Variants in EPAS1 observed in about 807,000 individuals in gnomAD.
EPAS1 encodes the protein endothelial PAS domain protein 1.
EPAS1 carries 23 observed loss-of-function variants against 87.9 expected under a neutral mutation model. That is an observed-to-expected ratio of 0.26 (90% CI 0.19 to 0.37). The LOEUF (loss-of-function observed/expected upper bound fraction) is 0.37. Among genes scored for constraint, EPAS1 ranks in the 10% least tolerant of loss-of-function variants. The probability of loss-of-function intolerance (pLI) is 1.00; values close to 1 mark genes in which losing one functional copy is unlikely to be tolerated. For missense variants in EPAS1, 1,138 were observed against 1,120.7 expected (o/e 1.02, Z -0.22); for synonymous variants, 508 against 444.3 (o/e 1.14, Z -1.80).
chr2:46,304,532 T>C (rs1333388332), intron 1 of EPAS1, among the ~76,000 whole-genome samples: 1 of 152,178 alleles, frequency 6.6e-6, no homozygotes, highest in Non-Finnish European at 1.5e-5. Flanking sequence ...TTTTTGTGAT[T>C]TATCACTTGC....
At position 46,360,723 on chromosome 2, in the gene EPAS1, C is replaced by G; in HGVS notation, c.540C>G (p.Gly180=). The G allele has an allele frequency of 6.2e-7, 1 of 1,614,032 alleles. No homozygotes were observed. Among genetic ancestry groups the G allele is most frequent in the Non-Finnish European group, 8.5e-7 (1 of 1,180,020 alleles). The change falls in exon 5 of 16, where the codon GGC becomes GGG. Residue 180 remains glycine (G), a synonymous_variant. Transcript: ENST00000263734. The surrounding 1 kb of genome is among the most constrained non-coding windows in gnomAD (Gnocchi z 4.5). The part of the protein sequence containing the change: ...MRMKCTVTNR[G]RTVNLKSATW... Reference sequence around the variant, plus strand: ...TGAAGTGCACGGTCACCAACAGAGGCCGTACTGTCAACCTCAAGTCAGCCA... The same window carrying G: ...TGAAGTGCACGGTCACCAACAGAGGGCGTACTGTCAACCTCAAGTCAGCCA...
Position 46,384,779 on chromosome 2 carries a change from A to C in EPAS1, c.*119A>C, listed in dbSNP as rs1684976588. The C allele has an allele frequency of 4.4e-6, 6 of 1,369,948 alleles. No homozygotes were observed. In the Middle Eastern group the frequency reaches 7.2e-4, roughly 165 times the overall value. 84.9% of individuals were successfully genotyped at this position (1,369,948 alleles called of 1,614,324 possible). Reference sequence around the variant, plus strand: ...AGCACACTATTTACAAGATGGACTTACCTGGCAGACTTGCCCAGGTCACCA... The same window carrying C: ...AGCACACTATTTACAAGATGGACTTCCCTGGCAGACTTGCCCAGGTCACCA... On this transcript the variant is annotated 3_prime_UTR_variant, in exon 16 of 16. Coordinates refer to ENST00000263734, the MANE Select transcript of EPAS1 (RefSeq NM_001430.5).
At chr2:46,378,629 C>T (rs1261029796) in intron 10 of EPAS1, 28 bp from the exon 11 acceptor site, 1 of 1,595,620 alleles carries the variant, frequency 6.3e-7, no homozygotes, top group Admixed American at 1.7e-5. Context: ...ATATCTTTGA[C>T]TCTGTCCCCC....
At chr2:46,369,971 C>T in intron 7 of EPAS1, 38 bp downstream of exon 7, 1 of 1,505,712 alleles carries the variant, frequency 6.6e-7, no homozygotes, top group Non-Finnish European at 9.2e-7. Context: ...TTCCTTGTGT[C>T]TGTGGTATGT....
chr2:46,342,781 G>A (rs1260262394), intron 1 of EPAS1, among the ~76,000 whole-genome samples: 8 of 152,188 alleles, frequency 5.3e-5, no homozygotes, highest in Admixed American at 4.6e-4. Context: ...TTAAGATAAC[G>A]AAGCTCTGGG....
At chr2:46,357,638 A>G (rs570677991) in intron 4 of EPAS1, among the ~76,000 whole-genome samples, 12 of 152,220 alleles carry the variant, frequency 7.9e-5, no homozygotes, top group Non-Finnish European at 1.2e-4. Context: ...CGAAGCCATG[A>G]GTGTCAAAAG....
At chr2:46,340,425 C>T (rs552913399) in intron 1 of EPAS1, among the ~76,000 whole-genome samples, 1 of 152,164 alleles carries the variant, frequency 6.6e-6, no homozygotes, top group Non-Finnish European at 1.5e-5. Context: ...GTATGAGATG[C>T]TTTCCAGGAT....
chr2:46,361,643 TAGG>T (rs747233582), intron 6 of EPAS1, among the ~76,000 whole-genome samples: 9 of 152,170 alleles, frequency 5.9e-5, no homozygotes, highest in Non-Finnish European at 8.8e-5. Context: ...CAGTGTCTCT[TAGG>T]AGACACAGTA....
In EPAS1 at chr2:46,347,697, C is replaced by T. The variant is rs1284640706; in HGVS notation, c.217+634C>T. ...CCCCTCCCTCGGAAAATAACTGGTT[C>T]TCCCCTCCCTAGCACCTCTGCAACT... is the stretch of plus-strand genomic sequence containing the variant. On this transcript the variant is annotated intron_variant, in intron 2 of 15. Transcript: ENST00000263734. The surrounding 1 kb of genome is among the most constrained non-coding windows in gnomAD (Gnocchi z 4.2). 6.6e-6 allele frequency among the ~76,000 whole-genome samples: 1 copy of T among 152,200 alleles called. No individual in the cohort carries two copies. The highest frequency in any genetic ancestry group is 1.5e-5 in the Non-Finnish European group (1 of 68,028).
rs17035079 is a variant in EPAS1, at chr2:46,369,812, T to A, written c.780-15T>A. On this transcript the variant is annotated splice_polypyrimidine_tract_variant and intron_variant, in intron 6 of 15. Transcript: ENST00000263734. ...TGGTCTTTCTTCCTTACATGCTGCC[T>A]TTTTAAAAACTCAGAATCACAGAAC... The A allele has an allele frequency of 0.027, 42,738 of 1,603,674 alleles. 1,840 individuals are homozygous for A. The highest frequency in any genetic ancestry group is 0.18 in the African/African-American group (13,779 of 74,796).
At chr2:46,374,337 A>G (rs1056605007) in intron 7 of EPAS1, among the ~76,000 whole-genome samples, 4 of 152,134 alleles carry the variant, frequency 2.6e-5, no homozygotes, top group Admixed American at 6.5e-5. Flanking sequence ...ACCAACGTGT[A>G]ACAGACTGTC....
At chr2:46,382,120 G>A (rs530126148) in intron 14 of EPAS1, 31 bp downstream of exon 14, 2 of 1,600,984 alleles carry the variant, frequency 1.2e-6, no homozygotes, top group Non-Finnish European at 1.7e-6. Context: ...TGGGCCTCCT[G>A]GGGGTTCTGG....
chr2:46,330,461 C>T (rs11900910), intron 1 of EPAS1, among the ~76,000 whole-genome samples: 70,037 of 152,034 alleles, frequency 0.46, 16,395 homozygotes, highest in East Asian at 0.66. Flanking sequence ...AATAAGCCAT[C>T]CTGCAAAGAG....
chr2:46,368,150 A>G (rs1272106664), intron 6 of EPAS1, among the ~76,000 whole-genome samples: 1 of 152,196 alleles, frequency 6.6e-6, no homozygotes, highest in Admixed American at 6.5e-5. Flanking sequence ...ACAGCCTAGG[A>G]TGTGAGGAGA....
chr2:46,365,217 T>C (rs1028653540), intron 6 of EPAS1, among the ~76,000 whole-genome samples: 3 of 152,158 alleles, frequency 2.0e-5, no homozygotes, highest in Non-Finnish European at 4.4e-5. Flanking sequence ...AACCAAATTA[T>C]GTGGATAGGA....
chr2:46,299,632 G>C (rs1682957227), intron 1 of EPAS1, among the ~76,000 whole-genome samples: 1 of 152,230 alleles, frequency 6.6e-6, no homozygotes. Context: ...GATGCCTATC[G>C]GGAATGTGGC....
At chr2:46,370,895 G>T (rs944942063) in intron 7 of EPAS1, among the ~76,000 whole-genome samples, 2 of 152,178 alleles carry the variant, frequency 1.3e-5, no homozygotes, top group African/African-American at 2.4e-5. Context: ...CCCACTGGGG[G>T]TGATATAAAT....
chr2:46,350,739 G>T (rs1384525911), intron 2 of EPAS1, among the ~76,000 whole-genome samples: 2 of 152,290 alleles, frequency 1.3e-5, no homozygotes, highest in African/African-American at 4.8e-5. Flanking sequence ...CTGAATTTTG[G>T]GCTTGCCCAA....
rs774931037 is a variant in EPAS1 at position 46,360,916 on chromosome 2, A to G, written c.605A>G (p.Tyr202Cys). The part of the protein sequence containing the change: ...VLHCTGQVKV[Y>C]NNCPPHNSLC... Reference sequence around the variant, plus strand: ...CACTGCACGGGCCAGGTGAAAGTCTACAACAACTGCCCTCCTCACAATAGT... The same window carrying G: ...CACTGCACGGGCCAGGTGAAAGTCTGCAACAACTGCCCTCCTCACAATAGT... Residue 202 changes from tyrosine (Y) to cysteine (C), a missense_variant, in exon 6 of 16, where the codon TAC becomes TGC. Transcript: ENST00000263734. This position sits in a 1 kb window ranked among gnomAD's most constrained non-coding sequence, Gnocchi z 4.5. 1.7e-5 allele frequency: 28 copies of G among 1,614,172 alleles called. No individual in the cohort carries two copies. In the South Asian group the frequency reaches 2.0e-4, roughly 11 times the overall value.
Sources: allele counts gnomAD v4.1 joint callset (sites outside exome capture counted in the v4.1 genomes callset), GRCh38; gene constraint gnomAD v4.1.1; non-coding constraint Gnocchi (gnomAD v3.1); transcripts MANE v1.5; gene names NCBI Gene and HGNC (gene_info 2026-07-23, HGNC 2026-07-21).